PARD3: variants seen among roughly 807,000 people sequenced by gnomAD.
PARD3 encodes the protein par-3 family cell polarity regulator.
Under a neutral mutation model 155.4 loss-of-function variants are expected in PARD3, and 75 were observed. That is an observed-to-expected ratio of 0.48 (90% CI 0.40 to 0.58). The LOEUF (loss-of-function observed/expected upper bound fraction) is 0.58. Among genes scored for constraint, PARD3 ranks in the 20% least tolerant of loss-of-function variants. The pLI is 0.00. For synonymous variants in PARD3, 576 were observed against 610.5 expected (o/e 0.94, Z 0.83); for missense variants, 1,642 against 1,721.7 (o/e 0.95, Z 0.82).
intron 2 of PARD3, among the ~76,000 whole-genome samples, chr10:34,689,241 A>C (rs2094004990): frequency 6.6e-6 from 1 of 152,226 alleles, no homozygotes; most frequent in Non-Finnish European, 1.5e-5. Context: ...GAATGATTAA[A>C]TCAGGATCGA....
chr10:34,218,538 C>G (rs992510166), intron 22 of PARD3, among the ~76,000 whole-genome samples: 9 of 152,202 alleles, frequency 5.9e-5, no homozygotes, highest in African/African-American at 2.2e-4. Context: ...AACAGACGGA[C>G]TACTTAGCAA....
chr10:34,785,439 C>CTT (rs35412165), intron 1 of PARD3, among the ~76,000 whole-genome samples: 2 of 147,102 alleles, frequency 1.4e-5, no homozygotes, highest in Non-Finnish European at 3.0e-5. Flanking sequence ...TTGCATCATA[C>CTT]TTTTTTTTTT....
Position 34,205,724 on chromosome 10 carries a change from C to T in PARD3, c.3419+63933G>A, listed in dbSNP as rs1951442274. Among the ~76,000 whole-genome samples the T allele has an allele frequency of 3.3e-5, 5 of 152,126 alleles. No homozygotes were observed. The South Asian group carries it at 1.0e-3, about 32-fold the overall frequency. On this transcript the variant is annotated intron_variant, in intron 22 of 24. Transcript: ENST00000374788. ...GGGCCTGAAGATGGGCAGGGACTCA[C>T]CTCCTGCACTTCCTCCTGCCTCTTC...
At chr10:34,364,499 A>G (rs1839774273) in intron 12 of PARD3, among the ~76,000 whole-genome samples, 1 of 151,638 alleles carries the variant, frequency 6.6e-6, no homozygotes, top group Non-Finnish European at 1.5e-5. Flanking sequence ...GCATGATCAT[A>G]GCTCTCCATA....
intron 2 of PARD3, among the ~76,000 whole-genome samples, chr10:34,546,545 G>T (rs1054756357): frequency 3.5e-5 from 4 of 115,142 alleles, no homozygotes; most frequent in Non-Finnish European, 5.5e-5. Context: ...TTTTGTTGTT[G>T]TTTTTTTTTG....
chr10:34,138,753 T>C (rs935394427), intron 22 of PARD3, among the ~76,000 whole-genome samples: 1 of 152,184 alleles, frequency 6.6e-6, no homozygotes, highest in Non-Finnish European at 1.5e-5. Context: ...CCATTTTCTT[T>C]TTGCTATCTA....
chr10:34,495,113 T>C (rs545642232), intron 3 of PARD3, among the ~76,000 whole-genome samples: 1 of 151,838 alleles, frequency 6.6e-6, no homozygotes, highest in East Asian at 1.9e-4. Flanking sequence ...CAAAAGAAAA[T>C]GTTAAACTCA....
At chr10:34,500,849 G>A (rs2080648293) in intron 3 of PARD3, among the ~76,000 whole-genome samples, 1 of 152,126 alleles carries the variant, frequency 6.6e-6, no homozygotes, top group Non-Finnish European at 1.5e-5. Flanking sequence ...GGAAAGAGGA[G>A]AGCTTGAACA....
intron 7 of PARD3, among the ~76,000 whole-genome samples, chr10:34,387,057 C>G (rs1457029741): frequency 6.6e-6 from 1 of 152,044 alleles, no homozygotes; most frequent in Admixed American, 6.5e-5. Context: ...CACTATAAAC[C>G]AGACACACTT....
intron 12 of PARD3, among the ~76,000 whole-genome samples, chr10:34,362,046 CGCAGGTGGATCACGAGGTCGAA>C (rs913036294): frequency 5.4e-4 from 82 of 152,170 alleles, no homozygotes; most frequent in Non-Finnish European, 9.3e-4. Flanking sequence ...GGGAGGCCGA[CGCAGGTGGATCACGAGGTCGAA>C]GCAGGTGGAT....
intron 2 of PARD3, among the ~76,000 whole-genome samples, chr10:34,631,899 C>T (rs965844099): frequency 2.0e-5 from 3 of 152,202 alleles, no homozygotes; most frequent in African/African-American, 7.2e-5. Context: ...GTCCAGCCGC[C>T]GCTGAGGTCT....
chr10:34,647,562 C>A (rs1053676327), intron 2 of PARD3, among the ~76,000 whole-genome samples: 3 of 152,176 alleles, frequency 2.0e-5, no homozygotes, highest in African/African-American at 7.2e-5. Flanking sequence ...CCAAAAAGTT[C>A]TTTTTTTCTA....
At chr10:34,276,952 CA>C (rs1955914288) in intron 21 of PARD3, among the ~76,000 whole-genome samples, 3 of 152,154 alleles carry the variant, frequency 2.0e-5, no homozygotes, top group African/African-American at 7.2e-5. Context: ...ATTAGTTTAA[CA>C]GAAAAAATGT....
At chr10:34,475,092 A>C (rs2078623973) in intron 3 of PARD3, among the ~76,000 whole-genome samples, 1 of 152,204 alleles carries the variant, frequency 6.6e-6, no homozygotes, top group Non-Finnish European at 1.5e-5. Context: ...CACTCTAAAA[A>C]TTGATGACCT....
chr10:34,748,342 C>T (rs374298066), intron 1 of PARD3, among the ~76,000 whole-genome samples: 107 of 152,124 alleles, frequency 7.0e-4, no homozygotes, highest in Non-Finnish European at 1.1e-3. Flanking sequence ...TGGTGGCGTG[C>T]GCCTGTAATC....
At chr10:34,419,202 G>A (rs147963974) in intron 5 of PARD3, among the ~76,000 whole-genome samples, 3 of 152,264 alleles carry the variant, frequency 2.0e-5, no homozygotes, top group East Asian at 3.9e-4. Flanking sequence ...TCAGTGTTGA[G>A]GGGAGAATGG....
intron 22 of PARD3, among the ~76,000 whole-genome samples, chr10:34,222,397 C>G (rs539391982): frequency 3.3e-5 from 5 of 152,216 alleles, no homozygotes; most frequent in Admixed American, 2.6e-4. Flanking sequence ...CTGCAGAAAG[C>G]GGTCCCTCCT....
intron 22 of PARD3, among the ~76,000 whole-genome samples, chr10:34,216,619 GT>G (rs1413001040): frequency 6.6e-6 from 1 of 152,210 alleles, no homozygotes; most frequent in African/African-American, 2.4e-5. Flanking sequence ...AGGGCACAGA[GT>G]TTGCAATTTT....
At position 34,284,226 on chromosome 10, in the gene PARD3, CT is replaced by C. The variant is rs1564547368; in HGVS notation, c.3084del (p.Asp1029MetfsTer10). 6.2e-7 allele frequency: 1 copy of C among 1,608,676 alleles called. No homozygotes were observed. Among genetic ancestry groups the C allele is most frequent in the South Asian group, 1.1e-5 (1 of 90,194 alleles). On this transcript the variant is annotated frameshift_variant, in exon 21 of 25. Transcript: ENST00000374788. LOFTEE classifies it high-confidence loss of function. ...GDMFRFGKHR[K>X]DDKIEKTGKI... The stretch of plus-strand genomic sequence containing the variant: ...TTACCCGTTTTCTCAATCTTGTCAT[CT>C]TTTCGATGTTTGCCAAACCTGTTAA...
Sources: gnomAD v4.1 joint callset for allele counts (sites outside exome capture counted in the v4.1 genomes callset) on GRCh38, gnomAD v4.1.1 for gene constraint, MANE v1.5 for transcripts, NCBI Gene and HGNC (gene_info 2026-07-23, HGNC 2026-07-21) for gene names.